Variants in NUAK1 observed in about 807,000 individuals in gnomAD.
NUAK1 encodes NUAK family kinase 1.
NUAK1 carries 26 observed loss-of-function variants against 56.9 expected under a neutral mutation model. The ratio of observed to expected loss-of-function variants is 0.46; its 90% CI spans 0.33 to 0.63. NUAK1 has a LOEUF of 0.63. Ranked by LOEUF, NUAK1 falls within the 30% of genes least tolerant of loss-of-function variation. NUAK1 has a pLI of 0.02. For missense variants in NUAK1, 727 were observed against 876.1 expected (o/e 0.83, Z 2.15); for synonymous variants, 337 against 336.0 (o/e 1.00, Z -0.03).
At chr12:106,078,647 C>T (rs751666558) in intron 4 of NUAK1, among the ~76,000 whole-genome samples, 9 of 152,312 alleles carry the variant, frequency 5.9e-5, no homozygotes, top group Non-Finnish European at 1.0e-4. Context: ...GGGAGTGGAA[C>T]AAGGAGCAGA....
Position 106,072,751 on chromosome 12 carries a change from G to A in NUAK1, c.672C>T (p.Val224=), listed in dbSNP as rs766263491. Residue 224 remains valine, a synonymous_variant, in exon 5 of 7, where the codon GTC becomes GTT. Coordinates refer to ENST00000261402, the MANE Select transcript of NUAK1 (RefSeq NM_014840.3). ...GSPLYASPEI[V]NGRPYRGPEV... is the part of the protein sequence containing the mutation. ...CTGGCCCTCGGTAAGGTCTCCCATT[G>A]ACAATCTCAGGAGATGCATAGAGTG... The A allele has an allele frequency of 6.2e-7, 1 of 1,613,536 alleles. No individual in the cohort carries two copies. The highest frequency in any genetic ancestry group is 8.5e-7 in the Non-Finnish European group (1 of 1,179,790).
chr12:106,103,197 G>T (rs1358450478), intron 2 of NUAK1: 1 of 152,218 alleles, frequency 6.6e-6, no homozygotes, highest in East Asian at 1.9e-4. Context: ...AAGAAGTCAG[G>T]TTTCTCCATG....
Position 106,066,793 on chromosome 12 carries a change from C to T in NUAK1, c.*9G>A. ...CGTACCCCCGCCCGCCCCTGGGCGC[C>T]CTGGAATGCTAGTTGAGCTTGCTGC... is the stretch of plus-strand genomic sequence containing the variant. On this transcript the variant is annotated 3_prime_UTR_variant, in exon 7 of 7. Transcript: ENST00000261402. 1.3e-6 allele frequency: 2 copies of T among 1,598,758 alleles called. No individual in the cohort carries two copies. The highest frequency in any genetic ancestry group is 1.1e-5 in the South Asian group (1 of 89,724).
chr12:106,068,281 T>A (rs879332268), intron 6 of NUAK1, among the ~76,000 whole-genome samples: 3 of 152,214 alleles, frequency 2.0e-5, no homozygotes, highest in Non-Finnish European at 4.4e-5. Flanking sequence ...CAAGAAAGAA[T>A]CCAGACTTGA....
rs553888427 is a variant in NUAK1 at position 106,074,973 on chromosome 12, C to T, written c.580-2130G>A. On this transcript the variant is annotated intron_variant, in intron 4 of 6. Coordinates refer to ENST00000261402, the MANE Select transcript of NUAK1 (RefSeq NM_014840.3). ...AGAAGAGGCATGGAATGGCTACGCA[C>T]AGGAAAATGCATTCTCTTCCCGCCT... Among the ~76,000 whole-genome samples the T allele has an allele frequency of 1.2e-4, 19 of 152,240 alleles. No individual in the cohort carries two copies. The South Asian group carries it at 3.7e-3, about 30-fold the overall frequency.
In NUAK1 at chr12:106,114,340, A is replaced by G. The variant is rs3782694; in HGVS notation, c.241-7815T>C. The stretch of plus-strand genomic sequence containing the variant: ...TGTCATCAGTCACAGCAACCCAGCC[A>G]AGGCGACTCCTATAAGGAGAGGGAC... On this transcript the variant is annotated intron_variant, in intron 1 of 6. Coordinates refer to ENST00000261402, the MANE Select transcript of NUAK1 (RefSeq NM_014840.3). Among the ~76,000 whole-genome samples the G allele has an allele frequency of 3.3e-5, 5 of 152,330 alleles. No individual in the cohort carries two copies. The East Asian group carries it at 9.7e-4, about 29-fold the overall frequency.
intron 4 of NUAK1, 64 bp from the exon 5 acceptor site, chr12:106,072,907 A>T (rs77368761): frequency 6.3e-7 from 1 of 1,590,030 alleles, no homozygotes; most frequent in East Asian, 2.3e-5. Flanking sequence ...GTGTTGGATC[A>T]GTTCACACCA....
chr12:106,128,480 G>A (rs2033046241), intron 1 of NUAK1, among the ~76,000 whole-genome samples: 1 of 152,118 alleles, frequency 6.6e-6, no homozygotes, highest in South Asian at 2.1e-4. Context: ...CCATGATCCT[G>A]TAGAAGACTG....
chr12:106,063,437 C>G lies in NUAK1; in HGVS notation c.*3365G>C, dbSNP rs775661641. ...TCAGTTTCCAACGAAAATACAAACA[C>G]TTTGGGTGGTTATCCAGCTTGTTTT... On this transcript the variant is annotated 3_prime_UTR_variant, in exon 7 of 7. Coordinates refer to ENST00000261402, the MANE Select transcript of NUAK1 (RefSeq NM_014840.3). 1.3e-5 allele frequency: 2 copies of G among 152,560 alleles called. No individual in the cohort carries two copies. Among genetic ancestry groups the G allele is most frequent in the African/African-American group, 2.4e-5 (1 of 41,434 alleles). 9.5% of individuals were successfully genotyped at this position (152,560 alleles called of 1,614,324 possible).
intron 3 of NUAK1, among the ~76,000 whole-genome samples, chr12:106,086,165 A>C (rs1426640982): frequency 6.6e-6 from 1 of 152,234 alleles, no homozygotes; most frequent in Admixed American, 6.5e-5. Context: ...AAAGATACTG[A>C]TCACTATTTG....
intron 2 of NUAK1, among the ~76,000 whole-genome samples, chr12:106,102,892 G>T (rs1054793250): frequency 6.6e-6 from 1 of 152,130 alleles, no homozygotes; most frequent in African/African-American, 2.4e-5. Flanking sequence ...TGTCCTAAGG[G>T]TTTCACCAAC....
chr12:106,096,888 C>T (rs546738923), intron 2 of NUAK1, among the ~76,000 whole-genome samples: 5 of 152,076 alleles, frequency 3.3e-5, no homozygotes, highest in Non-Finnish European at 7.4e-5. Context: ...GGGGTGAGAC[C>T]CAGGCATCAG....
intron 1 of NUAK1, among the ~76,000 whole-genome samples, chr12:106,109,125 T>C (rs1163407160): frequency 6.6e-6 from 1 of 152,172 alleles, no homozygotes; most frequent in African/African-American, 2.4e-5. Context: ...ATCACTCTCA[T>C]CTGTGCACCT....
intron 1 of NUAK1, among the ~76,000 whole-genome samples, chr12:106,128,382 C>T (rs137988248): frequency 9.3e-4 from 142 of 152,216 alleles, no homozygotes; most frequent in African/African-American, 3.3e-3. Flanking sequence ...CCACCCACCT[C>T]GGCCTCTCAA....
At chr12:106,130,802 C>T (rs947367400) in intron 1 of NUAK1, among the ~76,000 whole-genome samples, 6 of 152,198 alleles carry the variant, frequency 3.9e-5, no homozygotes, top group African/African-American at 1.4e-4. Context: ...GAGTAGCAAT[C>T]GCCCTGGCTG....
At chr12:106,109,208 G>A (rs556354423) in intron 1 of NUAK1, among the ~76,000 whole-genome samples, 7 of 152,268 alleles carry the variant, frequency 4.6e-5, no homozygotes, top group South Asian at 4.1e-4. Context: ...TCAGACAGCC[G>A]GTTAATGACA....
intron 1 of NUAK1, among the ~76,000 whole-genome samples, chr12:106,113,150 ACTGAG>A: frequency 6.6e-6 from 1 of 152,154 alleles, no homozygotes; most frequent in African/African-American, 2.4e-5. Flanking sequence ...CCCTTCAAAG[ACTGAG>A]CTAAGAATGT....
intron 1 of NUAK1, among the ~76,000 whole-genome samples, chr12:106,128,770 C>T (rs1215384314): frequency 6.6e-6 from 1 of 152,210 alleles, no homozygotes; most frequent in Non-Finnish European, 1.5e-5. Context: ...AGGGAAGGAG[C>T]TAACACCTAC....
intron 5 of NUAK1, 89 bp downstream of exon 5, chr12:106,072,635 T>C: frequency 7.0e-7 from 1 of 1,423,240 alleles, no homozygotes; most frequent in Non-Finnish European, 9.6e-7. Flanking sequence ...GGCTCTGTTT[T>C]TTTAAGCATT....
Sources: allele counts gnomAD v4.1 joint callset (sites outside exome capture counted in the v4.1 genomes callset), GRCh38; gene constraint gnomAD v4.1.1; transcripts MANE v1.5; gene names NCBI Gene and HGNC (gene_info 2026-07-23, HGNC 2026-07-21).